HMCN1: variants seen among roughly 807,000 people sequenced by gnomAD.
HMCN1 encodes hemicentin-1.
A neutral mutation model predicts 625.9 loss-of-function variants in HMCN1; 321 were observed. That is an observed-to-expected ratio of 0.51 (90% CI 0.47 to 0.56). The LOEUF (loss-of-function observed/expected upper bound fraction) is 0.56. Among genes scored for constraint, HMCN1 ranks in the 20% least tolerant of loss-of-function variants. HMCN1 has a pLI of 0.00. For missense variants in HMCN1, 6,588 were observed against 6,887.3 expected (o/e 0.96, Z 1.54); for synonymous variants, 2,425 against 2,417.6 (o/e 1.00, Z -0.09).
At chr1:186,142,038 G>T (rs1650002624) in intron 89 of HMCN1, among the ~76,000 whole-genome samples, 1 of 152,130 alleles carries the variant, frequency 6.6e-6, no homozygotes, top group Admixed American at 6.6e-5. Context: ...AGAGGTATAT[G>T]TTCAGGTTTG....
intron 1 of HMCN1, among the ~76,000 whole-genome samples, chr1:185,779,107 C>G (rs1317976153): frequency 1.3e-5 from 2 of 152,180 alleles, no homozygotes; most frequent in Non-Finnish European, 2.9e-5. Flanking sequence ...TGATGATGAG[C>G]ATTTTTTCAT....
chr1:185,929,715 A>G (rs1313482863), intron 10 of HMCN1, among the ~76,000 whole-genome samples: 2 of 152,224 alleles, frequency 1.3e-5, no homozygotes, highest in Non-Finnish European at 2.9e-5. Flanking sequence ...ACTATCAGTA[A>G]GTTTAAGGTG....
At chr1:186,054,107 GACAC>G (rs1277148496) in intron 44 of HMCN1, 121 bp downstream of exon 44, 1 of 967,360 alleles carries the variant, frequency 1.0e-6, no homozygotes, top group African/African-American at 1.6e-5. Context: ...ACTATCATAT[GACAC>G]ACACATTTAA....
At chr1:186,171,507 T>C (rs1652229684) in intron 101 of HMCN1, 57 bp downstream of exon 101, 7 of 1,265,810 alleles carry the variant, frequency 5.5e-6, no homozygotes, top group Admixed American at 5.1e-5. Flanking sequence ...CTTAATGATG[T>C]CTGATCTAAA....
At chr1:185,967,417 C>T (rs1036457010) in intron 14 of HMCN1, among the ~76,000 whole-genome samples, 1 of 152,062 alleles carries the variant, frequency 6.6e-6, no homozygotes, top group Non-Finnish European at 1.5e-5. Flanking sequence ...ATAGATATTA[C>T]CGCTCAGTGG....
intron 64 of HMCN1, among the ~76,000 whole-genome samples, chr1:186,091,746 G>A (rs1659854175): frequency 6.6e-6 from 1 of 151,834 alleles, no homozygotes; most frequent in Non-Finnish European, 1.5e-5. Flanking sequence ...TGCATAAGTG[G>A]GCATTAACTA....
chr1:185,796,444 A>T (rs1658380607), intron 1 of HMCN1, among the ~76,000 whole-genome samples: 1 of 152,104 alleles, frequency 6.6e-6, no homozygotes, highest in African/African-American at 2.4e-5. Flanking sequence ...CACATTTCTC[A>T]GTCTCCAGTG....
chr1:185,789,677 G>A (rs774969761), intron 1 of HMCN1, among the ~76,000 whole-genome samples: 8 of 152,190 alleles, frequency 5.3e-5, no homozygotes, highest in Non-Finnish European at 1.0e-4. Context: ...TCTCAGTGAA[G>A]GCCATTTCTG....
rs1667663391 is a variant in HMCN1, at chr1:185,933,601, G to A, written c.1605G>A (p.Glu535=). Residue 535 remains glutamate (E), a synonymous_variant, in exon 11 of 107, where the codon GAG becomes GAA. Transcript: ENST00000271588. ...ACAATGTTACAGTCACTCCTGGAGA[G>A]AGAGCAGTTTTAACATGTCTCATCA... ...VPNNVTVTPG[E]RAVLTCLIIS... 3 of 1,613,854 alleles carry A rather than the reference G, an allele frequency of 1.9e-6. No homozygotes were observed. The highest frequency in any genetic ancestry group is 1.1e-5 in the South Asian group (1 of 91,086).
At chr1:186,113,923 A>G (rs1661005224) in intron 72 of HMCN1, 56 bp from the exon 73 acceptor site, 5 of 1,586,096 alleles carry the variant, frequency 3.2e-6, no homozygotes, top group Middle Eastern at 1.7e-4. Flanking sequence ...CAGGGTCTTC[A>G]TGCAGGCTGT....
intron 69 of HMCN1, among the ~76,000 whole-genome samples, chr1:186,104,560 A>G (rs79018871): frequency 3.9e-5 from 6 of 152,192 alleles, no homozygotes; most frequent in Admixed American, 1.3e-4. Context: ...TGTTGTGTTC[A>G]TCTCTGTGCT....
chr1:185,965,159 A>G (rs1376390356), intron 13 of HMCN1, among the ~76,000 whole-genome samples: 1 of 152,118 alleles, frequency 6.6e-6, no homozygotes, highest in African/African-American at 2.4e-5. Context: ...CCATTGGGCA[A>G]GCAAGTGAAG....
intron 1 of HMCN1, among the ~76,000 whole-genome samples, chr1:185,754,333 TA>T (rs1006068446): frequency 6.6e-6 from 1 of 152,136 alleles, no homozygotes. Context: ...AAGTATTTCT[TA>T]AAAAAAGTCT....
At chr1:186,081,809 C>T (rs2102381895) in intron 56 of HMCN1, among the ~76,000 whole-genome samples, 1 of 152,286 alleles carries the variant, frequency 6.6e-6, no homozygotes, top group East Asian at 1.9e-4. Context: ...AAATCACATA[C>T]ATATCCTGGA....
At chr1:186,006,809 T>A (rs1653664308) in intron 29 of HMCN1, among the ~76,000 whole-genome samples, 1 of 151,464 alleles carries the variant, frequency 6.6e-6, no homozygotes, top group East Asian at 1.9e-4. Context: ...CCAAAAAATT[T>A]AAAAAAAGCT....
At chr1:185,911,878 A>C in intron 6 of HMCN1, 98 bp downstream of exon 6, 1 of 896,690 alleles carries the variant, frequency 1.1e-6, no homozygotes, top group Non-Finnish European at 1.9e-6. Context: ...CACTCTTGCT[A>C]TCATGGAGAG....
chr1:185,797,266 C>G (rs1441783758), intron 1 of HMCN1, among the ~76,000 whole-genome samples: 2 of 152,062 alleles, frequency 1.3e-5, no homozygotes, highest in Non-Finnish European at 2.9e-5. Flanking sequence ...GCATACTTTG[C>G]AAATATGTTC....
intron 11 of HMCN1, among the ~76,000 whole-genome samples, chr1:185,942,062 A>G (rs1213145458): frequency 1.3e-5 from 2 of 151,832 alleles, no homozygotes; most frequent in Non-Finnish European, 2.9e-5. Context: ...GTGGTGGCAC[A>G]TGCCTGTAAT....
chr1:186,099,985 G>A (rs925603725), intron 68 of HMCN1, among the ~76,000 whole-genome samples: 3 of 152,078 alleles, frequency 2.0e-5, no homozygotes, highest in African/African-American at 7.2e-5. Context: ...CAGAGTGACA[G>A]AGTGAAAAAT....
Sources: gnomAD v4.1 joint callset for allele counts (sites outside exome capture counted in the v4.1 genomes callset) on GRCh38, gnomAD v4.1.1 for gene constraint, MANE v1.5 for transcripts, NCBI Gene and HGNC (gene_info 2026-07-23, HGNC 2026-07-21) for gene names.